PHC2: variants seen among roughly 807,000 people sequenced by gnomAD.
PHC2 encodes the protein polyhomeotic homolog 2, also known as polyhomeotic-like protein 2.
Under a neutral mutation model 87.4 loss-of-function variants are expected in PHC2, and 29 were observed. The observed-to-expected ratio is 0.33, with a 90% CI of 0.25 to 0.45. PHC2 has a LOEUF of 0.45. PHC2 is among the 20% of genes least tolerant of loss of function. PHC2 has a pLI of 1.00. For missense variants in PHC2, 857 were observed against 1,136.7 expected, an observed-to-expected ratio of 0.75 and a Z score of 3.54; for synonymous variants, 438 against 461.7, an observed-to-expected ratio of 0.95 and a Z score of 0.66.
At chr1:33,356,306 G>T (rs1354058652) in intron 7 of PHC2, among the ~76,000 whole-genome samples, 6 of 92,038 alleles carry the variant, frequency 6.5e-5, no homozygotes, top group Non-Finnish European at 1.7e-4. Flanking sequence ...TATTTATTTA[G>T]TATTTATTGA....
intron 1 of PHC2, 35 bp downstream of exon 1, chr1:33,430,941 G>C (rs913729769): frequency 3.3e-5 from 5 of 151,300 alleles, no homozygotes; most frequent in African/African-American, 1.2e-4. Context: ...CGTCAGCCGC[G>C]AGCTGGCCCC....
At chr1:33,429,267 T>TG (rs1308118603) in intron 1 of PHC2, among the ~76,000 whole-genome samples, 1 of 152,016 alleles carries the variant, frequency 6.6e-6, no homozygotes, top group Non-Finnish European at 1.5e-5. Flanking sequence ...GGGGAAAATA[T>TG]GGGGGAGAAA....
Position 33,349,497 on chromosome 1 carries a change from G to C in PHC2, c.1558+4904C>G. The C allele has an allele frequency of 1.0e-6, 1 of 985,210 alleles. No individual in the cohort carries two copies. The highest frequency in any genetic ancestry group is 1.2e-6 in the Non-Finnish European group (1 of 829,852). The allele number at this position is 985,210 out of a possible 1,614,324, so 61.0% of individuals were successfully genotyped here. On this transcript the variant is annotated intron_variant, in intron 9 of 14. Transcript: ENST00000683057. The surrounding 1 kb of genome is among the most constrained non-coding windows in gnomAD (Gnocchi z 4.2). ...CGGCCTGGCAGCCGCGTAGGCCCGG[G>C]CCGTTAGGGGCACCGAGGGCGGTGC...
chr1:33,356,899 GGGC>G (rs1647100067), intron 7 of PHC2, among the ~76,000 whole-genome samples: 1 of 152,190 alleles, frequency 6.6e-6, no homozygotes, highest in Non-Finnish European at 1.5e-5. Context: ...CTCCCAGACG[GGGC>G]GGCGGCCGGG....
chr1:33,425,986 G>A (rs1409532408), intron 1 of PHC2, among the ~76,000 whole-genome samples: 1 of 152,184 alleles, frequency 6.6e-6, no homozygotes, highest in Non-Finnish European at 1.5e-5. Flanking sequence ...ATCCAGGTTG[G>A]TTGGCGTAGG....
rs1378415107 is a variant in PHC2 at position 33,375,433 on chromosome 1, C to G, written c.107G>C (p.Gly36Ala). The part of the protein sequence containing the change: ...SSGCNNSSSG[G>A]SGRPTGPQIS... Reference sequence around the variant, plus strand: ...CTGGGGCCCGGTGGGGCGGCCACTTCCACCACTGCTGCTGTTGTTGCAGCC... The same window carrying G: ...CTGGGGCCCGGTGGGGCGGCCACTTGCACCACTGCTGCTGTTGTTGCAGCC... The change falls in exon 2 of 15, where the codon GGA (glycine) becomes GCA (alanine). Residue 36 changes from glycine (G) to alanine (A), a missense_variant. Around this residue, in one of 3 missense-constraint regions of PHC2, gnomAD observed 832 missense variants for 1,081.8 expected, o/e 0.77. Transcript: ENST00000683057. 2 of 1,612,256 alleles carry G rather than the reference C, an allele frequency of 1.2e-6. No individual in the cohort carries two copies. Among genetic ancestry groups the G allele is most frequent in the African/African-American group, 1.3e-5 (1 of 74,878 alleles).
Position 33,325,007 on chromosome 1 carries a change from A to G in PHC2, c.2438T>C (p.Ile813Thr), listed in dbSNP as rs758166643. 21 of 1,611,850 alleles carry G rather than the reference A, an allele frequency of 1.3e-5. No homozygotes were observed. The highest frequency in any genetic ancestry group is 1.5e-5 in the Non-Finnish European group (18 of 1,178,430). ...FIRSLPGCQEIAEEFRAQEID... is the reference protein window; with the variant it reads ...FIRSLPGCQETAEEFRAQEID... ...TTCCTGGGCACGGAATTCCTCTGCT[A>G]TCTCCTGGCAGCCTGAGGGGGTACC... is the stretch of plus-strand genomic sequence containing the variant. The change falls in exon 15 of 15, where the codon ATA (isoleucine) becomes ACA (threonine). Residue 813 changes from isoleucine (I) to threonine (T), a missense_variant. Physicochemically the swap from Ile to Thr is moderately conservative, Grantham distance 89. This residue lies in a region of PHC2 where 832 missense variants were observed against 1,081.8 expected (regional missense o/e 0.77). Coordinates refer to ENST00000683057, the MANE Select transcript of PHC2 (RefSeq NM_001385109.1).
At chr1:33,429,838 G>T (rs915406332) in intron 1 of PHC2, among the ~76,000 whole-genome samples, 2 of 152,180 alleles carry the variant, frequency 1.3e-5, no homozygotes, top group Non-Finnish European at 2.9e-5. Flanking sequence ...AATTGTAACC[G>T]CATTTTCTCT....
At chr1:33,391,919 G>A (rs1649071270) in intron 1 of PHC2, among the ~76,000 whole-genome samples, 1 of 152,182 alleles carries the variant, frequency 6.6e-6, no homozygotes, top group African/African-American at 2.4e-5. Context: ...TGCAACTGAG[G>A]CTCTAGTGTA....
chr1:33,378,325 C>T (rs1648288633), intron 1 of PHC2, among the ~76,000 whole-genome samples: 1 of 152,174 alleles, frequency 6.6e-6, no homozygotes. Context: ...AGGTGAGGTG[C>T]AATTGAAATT....
chr1:33,429,986 G>GT (rs1315206090), intron 1 of PHC2, among the ~76,000 whole-genome samples: 2 of 152,202 alleles, frequency 1.3e-5, no homozygotes, highest in Non-Finnish European at 1.5e-5. Flanking sequence ...GGCAAGCTTA[G>GT]TATCAGTGGC....
chr1:33,377,047 A>G (rs1165732865), intron 1 of PHC2, among the ~76,000 whole-genome samples: 1 of 152,236 alleles, frequency 6.6e-6, no homozygotes, highest in African/African-American at 2.4e-5. Flanking sequence ...AACGCTTAGC[A>G]GGGTACCATA....
chr1:33,371,879 A>G (rs1022643047), intron 3 of PHC2, among the ~76,000 whole-genome samples: 2 of 152,244 alleles, frequency 1.3e-5, no homozygotes, highest in African/African-American at 4.8e-5. Context: ...CAGAAGGTAC[A>G]TAAAATGTTT....
chr1:33,353,287 T>A (rs1464336390), intron 9 of PHC2: 2 of 152,208 alleles, frequency 1.3e-5, no homozygotes, highest in African/African-American at 4.8e-5. Flanking sequence ...ACAAACACTG[T>A]ATAAGATGGA....
At chr1:33,380,741 T>A (rs1296349437) in intron 1 of PHC2, among the ~76,000 whole-genome samples, 2 of 152,214 alleles carry the variant, frequency 1.3e-5, no homozygotes, top group Non-Finnish European at 2.9e-5. Flanking sequence ...TGAATATCCA[T>A]TTGTCCCTGC....
At position 33,349,896 on chromosome 1, in the gene PHC2, A is replaced by T; in HGVS notation, c.1558+4505T>A. On this transcript the variant is annotated intron_variant, in intron 9 of 14. Coordinates refer to ENST00000683057, the MANE Select transcript of PHC2 (RefSeq NM_001385109.1). This position sits in a 1 kb window ranked among gnomAD's most constrained non-coding sequence, Gnocchi z 4.2. ...GAGGGCTGCAGCCGCCGCGGAGACAATGCGGCGAGTCTGGGACGGCTCCCG... is the reference window on the plus strand; with the variant it reads ...GAGGGCTGCAGCCGCCGCGGAGACATTGCGGCGAGTCTGGGACGGCTCCCG... 1.0e-6 allele frequency: 1 copy of T among 968,552 alleles called. No individual in the cohort carries two copies. The highest frequency in any genetic ancestry group is 1.2e-6 in the Non-Finnish European group (1 of 820,502). 60.0% of individuals were successfully genotyped at this position (968,552 alleles called of 1,614,324 possible).
chr1:33,348,027 C>T (rs1218094003), intron 9 of PHC2, among the ~76,000 whole-genome samples: 1 of 152,202 alleles, frequency 6.6e-6, no homozygotes, highest in Non-Finnish European at 1.5e-5. Flanking sequence ...TCCCCAGTGC[C>T]TAGGGCAGTA....
intron 4 of PHC2, 119 bp downstream of exon 4, chr1:33,370,898 G>A (rs1260385503): frequency 1.2e-6 from 1 of 854,608 alleles, no homozygotes; most frequent in Non-Finnish European, 2.0e-6. Flanking sequence ...TCCCGGTAAG[G>A]GCAATAGATT....
At chr1:33,360,733 A>C (rs371474061) in intron 7 of PHC2, among the ~76,000 whole-genome samples, 12 of 152,384 alleles carry the variant, frequency 7.9e-5, no homozygotes, top group African/African-American at 2.9e-4. Flanking sequence ...TCTAACAAGA[A>C]GCCCATGAGG....
Sources: gnomAD v4.1 joint callset for allele counts (sites outside exome capture counted in the v4.1 genomes callset) on GRCh38, gnomAD v4.1.1 for gene constraint, gnomAD v4.1.1 regional missense constraint, Gnocchi (gnomAD v3.1) non-coding constraint, MANE v1.5 for transcripts, NCBI Gene and HGNC (gene_info 2026-07-23, HGNC 2026-07-21) for gene names.